Variants in HPSE2 observed in about 807,000 individuals in gnomAD.
HPSE2 encodes the protein heparanase 2 (inactive), also known as inactive heparanase-2.
A neutral mutation model predicts 60.5 loss-of-function variants in HPSE2; 38 were observed. The observed-to-expected ratio is 0.63, with a 90% CI of 0.48 to 0.82. The LOEUF (loss-of-function observed/expected upper bound fraction) is 0.82. Ranked by LOEUF, HPSE2 falls within the 40% of genes least tolerant of loss-of-function variation. The pLI is 0.00. For missense variants in HPSE2, 713 were observed against 740.4 expected, an observed-to-expected ratio of 0.96 and a Z score of 0.43; for synonymous variants, 295 against 293.2, an observed-to-expected ratio of 1.01 and a Z score of -0.06.
intron 3 of HPSE2, among the ~76,000 whole-genome samples, chr10:98,908,086 T>C (rs763328130): frequency 6.6e-6 from 1 of 152,160 alleles, no homozygotes; most frequent in Non-Finnish European, 1.5e-5. Flanking sequence ...AGTCCAAGTA[T>C]CTCCATACAA....
the HPSE2 span, among the ~76,000 whole-genome samples, chr10:99,258,352 T>C: frequency 4.6e-5 from 7 of 151,804 alleles, no homozygotes; most frequent in Non-Finnish European, 1.0e-4. Context: ...CTATAAAACA[T>C]TGAGAGATAA....
intron 3 of HPSE2, among the ~76,000 whole-genome samples, chr10:98,831,364 A>T: frequency 6.6e-6 from 1 of 151,882 alleles, no homozygotes; most frequent in East Asian, 1.9e-4. Flanking sequence ...GGAAATAAAA[A>T]CTCTGTGGCA....
chr10:98,792,652 A>C (rs74696118), intron 3 of HPSE2, among the ~76,000 whole-genome samples: 5,684 of 152,018 alleles, frequency 0.037, 239 homozygotes, highest in East Asian at 0.16. Context: ...AAAAAAAAAA[A>C]AAAACACGAA....
intron 9 of HPSE2, among the ~76,000 whole-genome samples, chr10:98,492,250 C>T (rs926205596): frequency 3.9e-5 from 6 of 152,128 alleles, no homozygotes; most frequent in Non-Finnish European, 7.4e-5. Flanking sequence ...CGCCTATAAT[C>T]CCTGCACTTT....
intron 3 of HPSE2, among the ~76,000 whole-genome samples, chr10:99,003,827 T>C (rs1564729275): frequency 6.6e-6 from 1 of 152,156 alleles, no homozygotes; most frequent in African/African-American, 2.4e-5. Context: ...TTTAGTTTGA[T>C]ATAATCCCAT....
intron 3 of HPSE2, among the ~76,000 whole-genome samples, chr10:98,839,410 T>A (rs1004536662): frequency 2.0e-5 from 3 of 152,334 alleles, no homozygotes; most frequent in Non-Finnish European, 2.9e-5. Context: ...TGAATAATAC[T>A]TTTGTAATCA....
chr10:98,561,617 G>T (rs538164535), intron 9 of HPSE2, among the ~76,000 whole-genome samples: 3 of 152,188 alleles, frequency 2.0e-5, no homozygotes, highest in African/African-American at 4.8e-5. Flanking sequence ...GGAGGCCAAG[G>T]CAGGCAGATC....
At chr10:99,295,208 A>C in the HPSE2 span, among the ~76,000 whole-genome samples, 2 of 152,238 alleles carry the variant, frequency 1.3e-5, no homozygotes, top group Non-Finnish European at 2.9e-5. Flanking sequence ...TCAACAGACG[A>C]GTACTATATT....
chr10:99,207,965 ATAAC>A (rs1284897751), intron 2 of HPSE2, among the ~76,000 whole-genome samples: 2 of 150,604 alleles, frequency 1.3e-5, no homozygotes, highest in South Asian at 2.1e-4. Flanking sequence ...GAGATTAACA[ATAAC>A]TAATAATAAA....
rs191651845 is a variant in HPSE2, at chr10:98,750,119, T to C, written c.611-6063A>G. Among the ~76,000 whole-genome samples the C allele has an allele frequency of 2.8e-3, 417 of 151,620 alleles. 1 individual carries two copies. Among genetic ancestry groups the C allele is most frequent in the South Asian group, 9.4e-3 (45 of 4,798 alleles). On this transcript the variant is annotated intron_variant, in intron 3 of 11. Coordinates refer to ENST00000370552, the MANE Select transcript of HPSE2 (RefSeq NM_021828.5). ...TTTTAAATAAGCATCACAATTAAGGTGTCATTTGATCAGAGACCCAATGGA... is the reference window on the plus strand; with the variant it reads ...TTTTAAATAAGCATCACAATTAAGGCGTCATTTGATCAGAGACCCAATGGA...
At position 99,235,786 on chromosome 10, in the gene HPSE2, G is replaced by A; in HGVS notation, c.17C>T (p.Ala6Val). Residue 6 changes from alanine to valine, a missense_variant, in exon 1 of 12, where the codon GCC becomes GTC. By Grantham distance (64) the Ala-to-Val change is moderately conservative. Transcript: ENST00000370552. MRVLC[A>V]FPEAMPSSNS... ...GCTGGAGGGCATGGCTTCAGGGAAG[G>A]CACAAAGCACCCTCATTCAATCCCT... 1.2e-6 allele frequency: 2 copies of A among 1,613,360 alleles called. No homozygotes were observed. The highest frequency in any genetic ancestry group is 1.7e-6 in the Non-Finnish European group (2 of 1,179,776).
intron 3 of HPSE2, among the ~76,000 whole-genome samples, chr10:98,794,019 T>G (rs1345223498): frequency 2.0e-5 from 3 of 152,234 alleles, no homozygotes; most frequent in Admixed American, 6.5e-5. Flanking sequence ...TTCTAACTCC[T>G]AAATATTTTA....
At chr10:99,172,860 A>C (rs1847368674) in intron 2 of HPSE2, among the ~76,000 whole-genome samples, 1 of 151,810 alleles carries the variant, frequency 6.6e-6, no homozygotes, top group Non-Finnish European at 1.5e-5. Context: ...CCTAAGCAAG[A>C]GTGAAACTCT....
the HPSE2 span, among the ~76,000 whole-genome samples, chr10:99,305,961 A>ATACGCGCGCGCGCGCGCG: frequency 1.9e-5 from 2 of 103,060 alleles, no homozygotes; most frequent in African/African-American, 4.4e-5. Flanking sequence ...ACTCACACAC[A>ATACGCGCGCGCGCGCGCG]CGCGCGCGCG....
chr10:98,473,196 G>A (rs1235185040), intron 11 of HPSE2, among the ~76,000 whole-genome samples: 1 of 152,068 alleles, frequency 6.6e-6, no homozygotes, highest in African/African-American at 2.4e-5. Context: ...TAAGAAAATT[G>A]AAAGGTGGTC....
intron 3 of HPSE2, 163 bp from the exon 4 acceptor site, chr10:98,744,219 A>T (rs1001345048): frequency 1.3e-6 from 1 of 743,076 alleles, no homozygotes; most frequent in African/African-American, 1.8e-5. Context: ...GGTACATTTC[A>T]AGTTGACTTT....
intron 9 of HPSE2, among the ~76,000 whole-genome samples, chr10:98,598,338 C>T (rs1214739763): frequency 1.6e-5 from 2 of 127,178 alleles, no homozygotes; most frequent in Non-Finnish European, 1.8e-5. Context: ...GTTAGCAGGC[C>T]TGGTGTAAGT....
At chr10:98,724,736 C>T (rs190844734) in intron 4 of HPSE2, among the ~76,000 whole-genome samples, 268 of 152,238 alleles carry the variant, frequency 1.8e-3, no homozygotes, top group Admixed American at 3.3e-3. Context: ...TTCTTTGTCT[C>T]TTTTGATCTT....
At chr10:98,776,065 A>T (rs1041801276) in intron 3 of HPSE2, among the ~76,000 whole-genome samples, 2 of 152,094 alleles carry the variant, frequency 1.3e-5, no homozygotes, top group African/African-American at 2.4e-5. Context: ...TCACTCAAAT[A>T]GTTGCCACAG....
Sources: gnomAD v4.1 joint callset for allele counts (sites outside exome capture counted in the v4.1 genomes callset) on GRCh38, gnomAD v4.1.1 for gene constraint, MANE v1.5 for transcripts, NCBI Gene and HGNC (gene_info 2026-07-23, HGNC 2026-07-21) for gene names.